ACKR3: variants seen among roughly 807,000 people sequenced by gnomAD.
ACKR3 encodes the protein atypical chemokine receptor 3.
A neutral mutation model predicts 22.4 loss-of-function variants in ACKR3; 6 were observed. The ratio of observed to expected loss-of-function variants is 0.27; its 90% CI spans 0.15 to 0.53. ACKR3 has a LOEUF of 0.53. ACKR3 is among the 20% of genes least tolerant of loss of function. The probability of loss-of-function intolerance (pLI) is 0.96; values close to 1 mark genes in which losing one functional copy is unlikely to be tolerated. For synonymous variants in ACKR3, 209 were observed against 205.2 expected (o/e 1.02, Z -0.16); for missense variants, 396 against 475.2 (o/e 0.83, Z 1.55).
At chr2:236,572,742 T>C (rs1380779790) in intron 1 of ACKR3, among the ~76,000 whole-genome samples, 4 of 152,214 alleles carry the variant, frequency 2.6e-5, no homozygotes, top group Admixed American at 6.5e-5. Flanking sequence ...ATAGCTTTGC[T>C]TCCCTGTCGG....
At position 236,582,109 on chromosome 2, in the gene ACKR3, G is replaced by T. The variant is rs1691555153; in HGVS notation, c.*555G>T. 1 of 165,342 alleles carries T rather than the reference G, an allele frequency of 6.0e-6. No homozygotes were observed. Among genetic ancestry groups the T allele is most frequent in the Non-Finnish European group, 1.5e-5 (1 of 67,778 alleles). 10.2% of individuals were successfully genotyped at this position (165,342 alleles called of 1,614,324 possible). On this transcript the variant is annotated 3_prime_UTR_variant, in exon 2 of 2. Coordinates refer to ENST00000272928, the MANE Select transcript of ACKR3 (RefSeq NM_020311.3). ...AAATATATAAATATATGCCAGTCTT[G>T]GCTGAAATGTTTTATTTACCATAGT... is the stretch of plus-strand genomic sequence containing the variant.
chr2:236,576,077 G>A (rs1266375105), intron 1 of ACKR3, among the ~76,000 whole-genome samples: 1 of 152,164 alleles, frequency 6.6e-6, no homozygotes, highest in African/African-American at 2.4e-5. Context: ...GCCCTGGCAT[G>A]GGCACTGAGG....
At chr2:236,539,441 C>T in the ACKR3 span, among the ~76,000 whole-genome samples, 2 of 151,436 alleles carry the variant, frequency 1.3e-5, no homozygotes, top group Admixed American at 1.3e-4. Flanking sequence ...GCCTCCCTAG[C>T]AGCTGGGATT....
the ACKR3 span, among the ~76,000 whole-genome samples, chr2:236,537,203 T>C: frequency 2.6e-5 from 4 of 152,174 alleles, no homozygotes; most frequent in South Asian, 2.1e-4. Flanking sequence ...CTAATCCTGA[T>C]TGGATTCTAG....
chr2:236,559,472 G>GT, the ACKR3 span, among the ~76,000 whole-genome samples: 1 of 152,072 alleles, frequency 6.6e-6, no homozygotes, highest in Non-Finnish European at 1.5e-5. Context: ...CCTCAAGTTG[G>GT]TACATAGCCT....
At chr2:236,550,720 T>G in the ACKR3 span, among the ~76,000 whole-genome samples, 1 of 152,154 alleles carries the variant, frequency 6.6e-6, no homozygotes, top group Admixed American at 6.5e-5. The surrounding 1 kb of genome is among the most constrained non-coding windows in gnomAD (Gnocchi z 4.6). Context: ...GTAAAATGGG[T>G]GTCTTAGTAA....
chr2:236,541,280 AC>A, the ACKR3 span, among the ~76,000 whole-genome samples: 1 of 152,240 alleles, frequency 6.6e-6, no homozygotes, highest in Non-Finnish European at 1.5e-5. Flanking sequence ...ACCACAACAG[AC>A]AAATGCCAGT....
intron 1 of ACKR3, among the ~76,000 whole-genome samples, chr2:236,578,489 G>A (rs1691458825): frequency 6.6e-6 from 1 of 152,226 alleles, no homozygotes; most frequent in Admixed American, 6.5e-5. Context: ...CTCCATGGAA[G>A]GCTTTCAGAG....
chr2:236,560,941 T>C, the ACKR3 span, among the ~76,000 whole-genome samples: 1 of 152,236 alleles, frequency 6.6e-6, no homozygotes, highest in East Asian at 1.9e-4. Flanking sequence ...AAAGGAAATG[T>C]GGTATATACA....
At chr2:236,539,078 C>G in the ACKR3 span, among the ~76,000 whole-genome samples, 1 of 152,016 alleles carries the variant, frequency 6.6e-6, no homozygotes, top group Non-Finnish European at 1.5e-5. Flanking sequence ...GAGATTCATC[C>G]CTGTTGCTGC....
At chr2:236,546,758 C>T in the ACKR3 span, among the ~76,000 whole-genome samples, 1 of 152,354 alleles carries the variant, frequency 6.6e-6, no homozygotes, top group Middle Eastern at 3.4e-3. The surrounding 1 kb of genome is among the most constrained non-coding windows in gnomAD (Gnocchi z 4.9). Flanking sequence ...CGACCCAGCC[C>T]ACTGGCAGGA....
At chr2:236,565,383 T>G (rs1257625847), upstream of ACKR3, among the ~76,000 whole-genome samples, 1 of 152,220 alleles carries the variant, frequency 6.6e-6, no homozygotes, top group African/African-American at 2.4e-5. Flanking sequence ...TTCCTGCTGT[T>G]TCTTAAAAGC....
At chr2:236,543,370 C>A in the ACKR3 span, among the ~76,000 whole-genome samples, 1 of 152,040 alleles carries the variant, frequency 6.6e-6, no homozygotes. Context: ...CAGAGGATCC[C>A]CAAGAAAATG....
At position 236,581,179 on chromosome 2, in the gene ACKR3, C is replaced by T; in HGVS notation, c.714C>T (p.Ala238=). The T allele has an allele frequency of 2.5e-6, 4 of 1,613,762 alleles. No homozygotes were observed. Among genetic ancestry groups the T allele is most frequent in the Non-Finnish European group, 3.4e-6 (4 of 1,179,646 alleles). The change falls in exon 2 of 2, where the codon GCC becomes GCT. Residue 238 remains alanine, a synonymous_variant. Transcript: ENST00000272928. The surrounding 1 kb of genome is among the most constrained non-coding windows in gnomAD (Gnocchi z 4.4). The part of the protein sequence containing the change: ...IAVFYFLLAR[A]ISASSDQEKH... ...TCTTCTACTTCCTGCTGGCCAGAGC[C>T]ATCTCGGCGTCCAGTGACCAGGAGA...
chr2:236,559,503 T>C, the ACKR3 span, among the ~76,000 whole-genome samples: 2 of 152,242 alleles, frequency 1.3e-5, no homozygotes, highest in Non-Finnish European at 2.9e-5. Flanking sequence ...TGTGGTTTTT[T>C]GTATAGCTCT....
chr2:236,538,118 C>T, the ACKR3 span, among the ~76,000 whole-genome samples: 1 of 151,842 alleles, frequency 6.6e-6, no homozygotes, highest in African/African-American at 2.4e-5. Context: ...AAGCAATATA[C>T]ATAAGCCAGA....
chr2:236,574,516 G>A lies in ACKR3; in HGVS notation c.-27+4592G>A, dbSNP rs938068554. On this transcript the variant is annotated intron_variant, in intron 1 of 1. Transcript: ENST00000272928. The surrounding 1 kb of genome is among the most constrained non-coding windows in gnomAD (Gnocchi z 5.6). ...CAGAAGGGCAGAGGGCATCAGTTGGGAAGAGTCTGTGGTTGGAGACTGCAA... is the reference window on the plus strand; with the variant it reads ...CAGAAGGGCAGAGGGCATCAGTTGGAAAGAGTCTGTGGTTGGAGACTGCAA... Among the ~76,000 whole-genome samples, 10 of 152,164 alleles carry A rather than the reference G, an allele frequency of 6.6e-5. No individual in the cohort carries two copies. The highest frequency in any genetic ancestry group is 2.2e-4 in the African/African-American group (9 of 41,430).
At chr2:236,543,829 A>G in the ACKR3 span, among the ~76,000 whole-genome samples, 1 of 151,614 alleles carries the variant, frequency 6.6e-6, no homozygotes, top group African/African-American at 2.4e-5. Context: ...AATTTGAAAG[A>G]TTGATGGGAT....
the ACKR3 span, among the ~76,000 whole-genome samples, chr2:236,542,214 A>G: frequency 1.3e-5 from 2 of 152,234 alleles, no homozygotes; most frequent in African/African-American, 4.8e-5. Flanking sequence ...TCCCAAGCCC[A>G]TGTTCAGTGA....
Sources: allele counts gnomAD v4.1 joint callset (sites outside exome capture counted in the v4.1 genomes callset), GRCh38; gene constraint gnomAD v4.1.1; non-coding constraint Gnocchi (gnomAD v3.1); transcripts MANE v1.5; gene names NCBI Gene and HGNC (gene_info 2026-07-23, HGNC 2026-07-21).